Variants in RTN3 observed in about 807,000 individuals in gnomAD.
RTN3 encodes reticulon-3.
A neutral mutation model predicts 77.8 loss-of-function variants in RTN3; 49 were observed. The ratio of observed to expected loss-of-function variants is 0.63; its 90% confidence interval spans 0.50 to 0.80. The LOEUF is 0.80. Among genes scored for constraint, RTN3 ranks in the 30% least tolerant of loss-of-function variants. The pLI is 0.00. For synonymous variants in RTN3, 464 were observed against 446.9 expected, an observed-to-expected ratio of 1.04 and a Z score of -0.48; for missense variants, 1,236 against 1,211.9, an observed-to-expected ratio of 1.02 and a Z score of -0.29.
Position 63,752,593 on chromosome 11 carries a change from T to C in RTN3, c.2825T>C (p.Leu942Pro), listed in dbSNP as rs1460803109. 2 of 1,613,998 alleles carry C rather than the reference T, an allele frequency of 1.2e-6. No homozygotes were observed. Among genetic ancestry groups the C allele is most frequent in the South Asian group, 2.2e-5 (2 of 91,080 alleles). Residue 942 changes from leucine (L) to proline (P), a missense_variant, in exon 5 of 9, where the codon CTG becomes CCG. Leu to Pro is a moderately conservative substitution (Grantham distance 98). This residue lies in a region of RTN3 where 141 missense variants were observed against 154.9 expected (regional missense o/e 0.91). Transcript: ENST00000377819. ...GCCATGGTGCACATCAACAGGGCCC[T>C]GAAACTCATTATTCGTCTCTTTCTG... is the stretch of plus-strand genomic sequence containing the variant. The part of the protein sequence containing the change: ...NAAMVHINRA[L>P]KLIIRLFLVE...
chr11:63,724,270 C>T (rs2012054089), intron 3 of RTN3, among the ~76,000 whole-genome samples: 1 of 145,228 alleles, frequency 6.9e-6, no homozygotes. Flanking sequence ...GCAAGCTCTG[C>T]CTCCCGGGTT....
chr11:63,753,274 T>A, intron 6 of RTN3, 136 bp downstream of exon 6: 1 of 769,824 alleles, frequency 1.3e-6, no homozygotes, highest in Non-Finnish European at 2.1e-6. Context: ...GTAGAGGCAC[T>A]GGAGGAACCG....
chr11:63,718,439 A>G (rs1166658217), intron 2 of RTN3, among the ~76,000 whole-genome samples: 1 of 152,214 alleles, frequency 6.6e-6, no homozygotes, highest in Non-Finnish European at 1.5e-5. Context: ...AAAGTAGACC[A>G]AAAGTATTTG....
At chr11:63,738,497 C>T (rs1471840930) in intron 3 of RTN3, among the ~76,000 whole-genome samples, 2 of 151,976 alleles carry the variant, frequency 1.3e-5, no homozygotes, top group Non-Finnish European at 2.9e-5. Context: ...AAAAAATTAG[C>T]CAGGCATGGT....
chr11:63,684,724 A>C (rs1477672429), intron 1 of RTN3, among the ~76,000 whole-genome samples: 1 of 152,224 alleles, frequency 6.6e-6, no homozygotes, highest in Non-Finnish European at 1.5e-5. Context: ...TGAATAAATT[A>C]TCAAATTTAC....
chr11:63,740,537 T>A (rs2013403293), intron 3 of RTN3, among the ~76,000 whole-genome samples: 1 of 150,752 alleles, frequency 6.6e-6, no homozygotes, highest in African/African-American at 2.4e-5. Flanking sequence ...GACCTCGTGA[T>A]CCATCTGCCT....
chr11:63,717,211 G>A (rs1219588162), intron 2 of RTN3, among the ~76,000 whole-genome samples: 3 of 151,836 alleles, frequency 2.0e-5, no homozygotes, highest in Non-Finnish European at 4.4e-5. Context: ...CAGCCCTTGG[G>A]ATATTTGTTT....
chr11:63,758,315 C>T lies in RTN3; in HGVS notation c.*114C>T. ...TGTCAGCTTGAGCCTGCATTCCAAG[C>T]TTTTTTTTTAATTTGGTGTTTTCTC... On this transcript the variant is annotated 3_prime_UTR_variant, in exon 9 of 9. Coordinates refer to ENST00000377819, the MANE Select transcript of RTN3 (RefSeq NM_001265589.2). 6.2e-7 allele frequency: 1 copy of T among 1,602,968 alleles called. No homozygotes were observed. Among genetic ancestry groups the T allele is most frequent in the East Asian group, 2.2e-5 (1 of 44,624 alleles).
At chr11:63,745,923 G>T (rs1440913716) in intron 3 of RTN3, among the ~76,000 whole-genome samples, 1 of 152,194 alleles carries the variant, frequency 6.6e-6, no homozygotes, top group Non-Finnish European at 1.5e-5. Flanking sequence ...TGATTCTCCT[G>T]CCTCAACCTT....
At chr11:63,735,550 T>TCTCTCTC (rs2013032879) in intron 3 of RTN3, among the ~76,000 whole-genome samples, 3 of 42,682 alleles carry the variant, frequency 7.0e-5, no homozygotes, top group African/African-American at 9.0e-5. Context: ...ATTCTAACAT[T>TCTCTCTC]TCTCTCTCTC....
chr11:63,756,043 G>C (rs1565050430), intron 7 of RTN3, 69 bp from the exon 8 acceptor site: 1 of 1,041,002 alleles, frequency 9.6e-7, no homozygotes, highest in East Asian at 2.4e-5. Flanking sequence ...CTAGACAAAA[G>C]AGCCGTGCCT....
chr11:63,721,136 A>G, intron 3 of RTN3, 104 bp downstream of exon 3: 1 of 996,646 alleles, frequency 1.0e-6, no homozygotes, highest in Non-Finnish European at 1.4e-6. Context: ...AATTATGGCT[A>G]AAATACAAAA....
intron 3 of RTN3, among the ~76,000 whole-genome samples, chr11:63,728,886 CAAAAAAA>C (rs577443067): frequency 2.9e-4 from 23 of 78,684 alleles, no homozygotes; most frequent in Middle Eastern, 7.0e-3. Context: ...GACTCCGTCT[CAAAAAAA>C]AAAAAAAAAG....
chr11:63,699,657 C>A (rs1004151103), intron 1 of RTN3, among the ~76,000 whole-genome samples: 1 of 152,222 alleles, frequency 6.6e-6, no homozygotes, highest in Non-Finnish European at 1.5e-5. Flanking sequence ...TGGAATCTGG[C>A]CAATTGTTCC....
intron 2 of RTN3, among the ~76,000 whole-genome samples, chr11:63,717,613 C>CTCACCTGAGG (rs2011487509): frequency 6.6e-6 from 1 of 151,718 alleles, no homozygotes; most frequent in African/African-American, 2.4e-5. Context: ...TGGTCTCGAA[C>CTCACCTGAGG]TCCTGACCTC....
intron 3 of RTN3, among the ~76,000 whole-genome samples, chr11:63,746,541 GTC>G (rs2013807307): frequency 6.6e-6 from 1 of 151,368 alleles, no homozygotes; most frequent in Non-Finnish European, 1.5e-5. Flanking sequence ...TTGAGACGGA[GTC>G]TCGCTCTGTT....
At chr11:63,699,140 A>G (rs1942108785) in intron 1 of RTN3, among the ~76,000 whole-genome samples, 1 of 152,016 alleles carries the variant, frequency 6.6e-6, no homozygotes, top group Admixed American at 6.6e-5. Flanking sequence ...ACCCCTACTA[A>G]AAATACAAAA....
intron 7 of RTN3, among the ~76,000 whole-genome samples, chr11:63,755,799 A>T (rs531953527): frequency 3.3e-5 from 5 of 151,606 alleles, no homozygotes; most frequent in African/African-American, 1.2e-4. Context: ...CTCTACTAAA[A>T]ATATAAAAAA....
chr11:63,732,824 A>C (rs965993872), intron 3 of RTN3, among the ~76,000 whole-genome samples: 3 of 152,196 alleles, frequency 2.0e-5, no homozygotes, highest in African/African-American at 7.2e-5. Context: ...CATATATAAT[A>C]CATATGTATA....
Sources: gnomAD v4.1 joint callset for allele counts (sites outside exome capture counted in the v4.1 genomes callset) on GRCh38, gnomAD v4.1.1 for gene constraint, gnomAD v4.1.1 regional missense constraint, MANE v1.5 for transcripts, NCBI Gene and HGNC (gene_info 2026-07-23, HGNC 2026-07-21) for gene names.